RIC8B: variants seen among roughly 807,000 people sequenced by gnomAD.
The protein encoded by RIC8B is RIC8 guanine nucleotide exchange factor B.
RIC8B carries 16 observed loss-of-function variants against 57.5 expected under a neutral mutation model. The ratio of observed to expected loss-of-function variants is 0.28; its 90% CI spans 0.19 to 0.42. The LOEUF is 0.42. Ranked by LOEUF, RIC8B falls within the 10% of genes least tolerant of loss-of-function variation. The pLI is 1.00. For missense variants in RIC8B, 481 were observed against 677.0 expected, an observed-to-expected ratio of 0.71 and a Z score of 3.21; for synonymous variants, 216 against 250.8, an observed-to-expected ratio of 0.86 and a Z score of 1.31.
chr12:106,839,001 A>G (rs931141040), intron 4 of RIC8B, among the ~76,000 whole-genome samples: 3 of 151,932 alleles, frequency 2.0e-5, no homozygotes, highest in Admixed American at 1.3e-4. Context: ...AAAAAAAAAA[A>G]ACCTCAAAAA....
chr12:106,840,197 G>C (rs2046807134), intron 4 of RIC8B, among the ~76,000 whole-genome samples: 1 of 152,128 alleles, frequency 6.6e-6, no homozygotes, highest in Non-Finnish European at 1.5e-5. Context: ...ATGTTCTTCA[G>C]TGTAATTTCA....
chr12:106,811,826 C>T (rs2136275001), intron 2 of RIC8B, among the ~76,000 whole-genome samples: 1 of 152,134 alleles, frequency 6.6e-6, no homozygotes, highest in East Asian at 1.9e-4. Flanking sequence ...GTAAAATCAA[C>T]TTAAATAGTT....
chr12:106,850,289 G>T (rs1267632527), intron 6 of RIC8B, among the ~76,000 whole-genome samples: 1 of 152,168 alleles, frequency 6.6e-6, no homozygotes, highest in African/African-American at 2.4e-5. Flanking sequence ...GAGTCATCAG[G>T]ATGCAGAGAC....
chr12:106,872,894 C>G (rs1950503084), intron 9 of RIC8B: 3 of 373,572 alleles, frequency 8.0e-6, no homozygotes, highest in Non-Finnish European at 1.1e-5. Context: ...AAATGGAAGA[C>G]AGGGGAAATA....
At chr12:106,811,701 T>C (rs548995585) in intron 2 of RIC8B, among the ~76,000 whole-genome samples, 5 of 152,190 alleles carry the variant, frequency 3.3e-5, no homozygotes, top group Non-Finnish European at 7.3e-5. Context: ...GTGTTTGCAT[T>C]GTGTGTATCA....
intron 2 of RIC8B, among the ~76,000 whole-genome samples, chr12:106,805,902 T>G (rs1162003229): frequency 6.6e-6 from 1 of 152,190 alleles, no homozygotes; most frequent in Non-Finnish European, 1.5e-5. Flanking sequence ...TCTCTCTCTC[T>G]TTTTCACCTC....
At chr12:106,859,851 G>C (rs1028739186) in intron 7 of RIC8B, among the ~76,000 whole-genome samples, 1 of 151,676 alleles carries the variant, frequency 6.6e-6, no homozygotes, top group Admixed American at 6.6e-5. Context: ...CAAAGAATGA[G>C]AGAGAGATTT....
At chr12:106,817,698 G>A (rs562550859) in intron 3 of RIC8B, among the ~76,000 whole-genome samples, 2 of 151,982 alleles carry the variant, frequency 1.3e-5, no homozygotes, top group East Asian at 1.9e-4. Context: ...GGTCACGGGC[G>A]CCTGTAGTCC....
chr12:106,878,155 C>G (rs1404390926), intron 9 of RIC8B, among the ~76,000 whole-genome samples: 3 of 152,218 alleles, frequency 2.0e-5, no homozygotes, highest in Admixed American at 2.0e-4. Flanking sequence ...TACCATACCA[C>G]TCATTCCTAC....
intron 2 of RIC8B, among the ~76,000 whole-genome samples, chr12:106,803,214 T>TAAAAAAAAAAAAAAAA (rs758690591): frequency 1.2e-5 from 1 of 84,276 alleles, no homozygotes; most frequent in Non-Finnish European, 2.1e-5. Context: ...ATACCCTGTC[T>TAAAAAAAAAAAAAAAA]CAAAAAAAAA....
intron 6 of RIC8B, among the ~76,000 whole-genome samples, 161 bp from the exon 7 acceptor site, chr12:106,851,289 T>C (rs1022744260): frequency 2.6e-5 from 4 of 151,878 alleles, no homozygotes; most frequent in Non-Finnish European, 5.9e-5. Context: ...CTGGTTTTTG[T>C]TGTTTAGTTT....
chr12:106,805,046 T>G (rs1030132290), intron 2 of RIC8B, among the ~76,000 whole-genome samples: 1 of 152,174 alleles, frequency 6.6e-6, no homozygotes, highest in Non-Finnish European at 1.5e-5. Context: ...AATAAGTAGT[T>G]GAATGTGAGT....
rs538715218 is a variant in RIC8B, at chr12:106,781,826, C to CA, written c.85-2164dup. Among the ~76,000 whole-genome samples, 294 of 151,972 alleles carry CA rather than the reference C, an allele frequency of 1.9e-3. 3 individuals carry two copies. Among genetic ancestry groups the CA allele is most frequent in the African/African-American group, 6.7e-3 (278 of 41,492 alleles). ...GGAATTAGCATTTTACATATAATGG[C>CA]AAAAAAATAGGCTTTCTTGGTTTCT... On this transcript the variant is annotated intron_variant, in intron 1 of 9. Coordinates refer to ENST00000392837, the MANE Select transcript of RIC8B (RefSeq NM_001330145.2).
chr12:106,785,820 T>TCTCTCTCTCTCTCTCTCTCTCTCC (rs2043992644), intron 2 of RIC8B, among the ~76,000 whole-genome samples: 1 of 103,828 alleles, frequency 9.6e-6, no homozygotes, highest in African/African-American at 3.7e-5. Context: ...TCTCTGTGTG[T>TCTCTCTCTCTCTCTCTCTCTCTCC]GTGTGTGTGT....
chr12:106,837,639 G>GTTTTTTTTTTTTTTTT (rs375634080), intron 4 of RIC8B, among the ~76,000 whole-genome samples: 1 of 115,328 alleles, frequency 8.7e-6, no homozygotes. Flanking sequence ...AAAATCTTTT[G>GTTTTTTTTTTTTTTTT]TTTTTTTTTT....
chr12:106,855,197 C>T (rs1034826180), intron 7 of RIC8B, among the ~76,000 whole-genome samples: 2 of 152,138 alleles, frequency 1.3e-5, no homozygotes, highest in African/African-American at 4.8e-5. Flanking sequence ...GCACATAGCC[C>T]CACACCAATA....
At chr12:106,786,264 C>T (rs2044022943) in intron 2 of RIC8B, among the ~76,000 whole-genome samples, 1 of 151,322 alleles carries the variant, frequency 6.6e-6, no homozygotes, top group Admixed American at 6.6e-5. Flanking sequence ...ATTCTCCTGC[C>T]TCAGCCTCCC....
intron 8 of RIC8B, among the ~76,000 whole-genome samples, chr12:106,860,726 G>C (rs1949896188): frequency 6.6e-6 from 1 of 152,118 alleles, no homozygotes; most frequent in Admixed American, 6.6e-5. Flanking sequence ...CATAGGTTAA[G>C]ATTTTATAAG....
chr12:106,798,033 T>C (rs1566050021), intron 2 of RIC8B: 3 of 715,596 alleles, frequency 4.2e-6, no homozygotes, highest in East Asian at 2.7e-5. Flanking sequence ...AAACTAGTTA[T>C]AGCGTTGACA....
Sources: allele counts gnomAD v4.1 joint callset (sites outside exome capture counted in the v4.1 genomes callset), GRCh38; gene constraint gnomAD v4.1.1; transcripts MANE v1.5; gene names NCBI Gene and HGNC (gene_info 2026-07-23, HGNC 2026-07-21).